Variants in SEM1 observed in about 807,000 individuals in gnomAD.
SEM1 encodes the protein SEM1 26S proteasome subunit.
Under a neutral mutation model 12.7 loss-of-function variants are expected in SEM1, and 3 were observed. The ratio of observed to expected loss-of-function variants is 0.24; its 90% CI spans 0.11 to 0.61. The LOEUF (loss-of-function observed/expected upper bound fraction) is 0.61. Ranked by LOEUF, SEM1 falls within the 20% of genes least tolerant of loss-of-function variation. The pLI, the probability that SEM1 is intolerant of heterozygous loss-of-function variation, is 0.88. For synonymous variants in SEM1, 30 were observed against 27.8 expected (o/e 1.08, Z -0.25); for missense variants, 59 against 81.3 (o/e 0.73, Z 1.06).
intron 2 of SEM1, among the ~76,000 whole-genome samples, chr7:96,677,541 G>A (rs927179165): frequency 6.6e-6 from 1 of 152,092 alleles, no homozygotes; most frequent in Admixed American, 6.6e-5. Context: ...AAGCAGAAAG[G>A]GGATTTATTG....
intron 2 of SEM1, among the ~76,000 whole-genome samples, chr7:96,657,037 C>T (rs1388459898): frequency 6.6e-6 from 1 of 152,058 alleles, no homozygotes; most frequent in African/African-American, 2.4e-5. Flanking sequence ...TTAAAATATG[C>T]AGCATCTATT....
chr7:96,585,281 A>G (rs28772872), intron 2 of SEM1, among the ~76,000 whole-genome samples: 53,664 of 152,032 alleles, frequency 0.35, 9,700 homozygotes, highest in Admixed American at 0.46. Context: ...TAGGCTGCTC[A>G]GGGGTCAGGG....
chr7:96,689,488 TTTA>T (rs1426786647), intron 2 of SEM1, among the ~76,000 whole-genome samples: 2 of 152,162 alleles, frequency 1.3e-5, no homozygotes, highest in Non-Finnish European at 2.9e-5. Context: ...CAATTCAAAG[TTTA>T]TGACAAAATT....
intron 2 of SEM1, among the ~76,000 whole-genome samples, chr7:96,514,828 T>C (rs1804039912): frequency 6.6e-6 from 1 of 152,168 alleles, no homozygotes. Context: ...TGTCAAGATA[T>C]CAGTTTTTCT....
intron 1 of SEM1, among the ~76,000 whole-genome samples, chr7:96,492,064 A>AT (rs1004534581): frequency 8.5e-5 from 13 of 152,072 alleles, no homozygotes; most frequent in African/African-American, 3.1e-4. Context: ...TCATTTTTCT[A>AT]TTTGGAAGTA....
At chr7:96,643,415 AGGTATAC>A (rs1268076126) in intron 2 of SEM1, among the ~76,000 whole-genome samples, 1 of 152,046 alleles carries the variant, frequency 6.6e-6, no homozygotes, top group African/African-American at 2.4e-5. Context: ...TTTGTTACAT[AGGTATAC>A]ACATGCCATG....
intron 2 of SEM1, among the ~76,000 whole-genome samples, chr7:96,546,666 G>A (rs1187075142): frequency 2.0e-5 from 3 of 152,026 alleles, no homozygotes; most frequent in African/African-American, 4.8e-5. Context: ...ACATTCCACC[G>A]GCACGATCTT....
intron 2 of SEM1, among the ~76,000 whole-genome samples, chr7:96,615,654 C>T (rs559143753): frequency 5.3e-5 from 8 of 152,202 alleles, no homozygotes; most frequent in East Asian, 3.9e-4. Context: ...GTGTATATTG[C>T]GTAGTAGAGA....
intron 2 of SEM1, among the ~76,000 whole-genome samples, chr7:96,565,962 T>C (rs1395271813): frequency 6.6e-6 from 1 of 151,842 alleles, no homozygotes; most frequent in African/African-American, 2.4e-5. Flanking sequence ...GTCAACAATA[T>C]ACTTTTTGTC....
At chr7:96,607,244 T>A (rs1807408298) in intron 2 of SEM1, among the ~76,000 whole-genome samples, 1 of 152,170 alleles carries the variant, frequency 6.6e-6, no homozygotes, top group Admixed American at 6.5e-5. Context: ...AACAAATAGA[T>A]GTTGAATATG....
chr7:96,489,259 C>G (rs1018379431), intron 1 of SEM1, among the ~76,000 whole-genome samples: 1 of 152,114 alleles, frequency 6.6e-6, no homozygotes, highest in Admixed American at 6.5e-5. Flanking sequence ...TTCCATTGCT[C>G]CCTGGATCCC....
intron 2 of SEM1, among the ~76,000 whole-genome samples, chr7:96,662,898 A>G (rs144744012): frequency 1.5e-4 from 23 of 152,336 alleles, no homozygotes; most frequent in African/African-American, 5.5e-4. Flanking sequence ...TTCCTGAACA[A>G]GATGTAGAAA....
chr7:96,680,732 G>C (rs1789586126), intron 2 of SEM1, among the ~76,000 whole-genome samples: 1 of 152,048 alleles, frequency 6.6e-6, no homozygotes, highest in Non-Finnish European at 1.5e-5. Flanking sequence ...CCTGACCAGT[G>C]AATTAAAACT....
At chr7:96,631,972 A>G (rs918155485) in intron 2 of SEM1, among the ~76,000 whole-genome samples, 7 of 152,250 alleles carry the variant, frequency 4.6e-5, no homozygotes, top group Admixed American at 3.3e-4. Flanking sequence ...ATCACTGGTC[A>G]TAACAGAAAT....
At chr7:96,593,600 C>T (rs1226842447) in intron 2 of SEM1, among the ~76,000 whole-genome samples, 1 of 152,072 alleles carries the variant, frequency 6.6e-6, no homozygotes, top group East Asian at 1.9e-4. Context: ...TAGATTAAGA[C>T]CTCCAGAAAA....
At chr7:96,685,643 T>C (rs1584862121), downstream of SEM1, among the ~76,000 whole-genome samples, 1 of 152,064 alleles carries the variant, frequency 6.6e-6, no homozygotes, top group African/African-American at 2.4e-5. Flanking sequence ...ATATGAAATG[T>C]ACATGATAAC....
At chr7:96,491,557 T>A (rs1187012665) in intron 1 of SEM1, among the ~76,000 whole-genome samples, 2 of 152,176 alleles carry the variant, frequency 1.3e-5, no homozygotes, top group Non-Finnish European at 2.9e-5. Context: ...ATGTGACAGA[T>A]GTTTCTGGGA....
chr7:96,616,070 T>C (rs1351685855), intron 2 of SEM1, among the ~76,000 whole-genome samples: 1 of 152,224 alleles, frequency 6.6e-6, no homozygotes, highest in Non-Finnish European at 1.5e-5. Context: ...GTAGTGAGAC[T>C]GTTGGATCGA....
At chr7:96,508,987 A>T (rs932000877) in intron 2 of SEM1, among the ~76,000 whole-genome samples, 1 of 128,000 alleles carries the variant, frequency 7.8e-6, no homozygotes, top group Non-Finnish European at 1.6e-5. Flanking sequence ...ACTACAAGAA[A>T]CACAACTTTT....
Sources: gnomAD v4.1 joint callset for allele counts (sites outside exome capture counted in the v4.1 genomes callset) on GRCh38, gnomAD v4.1.1 for gene constraint, MANE v1.5 for transcripts, NCBI Gene and HGNC (gene_info 2026-07-23, HGNC 2026-07-21) for gene names.